The following PLCB4 variants were observed in gnomAD, a reference collection of about 807,000 sequenced individuals.
The protein encoded by PLCB4 is phospholipase C beta 4, also known as 1-phosphatidylinositol 4,5-bisphosphate phosphodiesterase beta-4.
In PLCB4, 77 loss-of-function variants were observed where a neutral mutation model predicts 178.8. The observed-to-expected ratio is 0.43, with a 90% confidence interval of 0.36 to 0.52. PLCB4 has a LOEUF of 0.52. PLCB4 is among the 20% of genes least tolerant of loss of function. PLCB4 has a pLI of 0.00. For missense variants in PLCB4, 1,024 were observed against 1,453.4 expected (o/e 0.70, Z 4.80); for synonymous variants, 496 against 490.8 (o/e 1.01, Z -0.14).
chr20:9,391,799 C>A (rs1268912946), intron 17 of PLCB4, among the ~76,000 whole-genome samples: 7 of 152,214 alleles, frequency 4.6e-5, no homozygotes, highest in African/African-American at 1.7e-4. Context: ...ATTATCACCC[C>A]TATCCCATGC....
intron 3 of PLCB4, among the ~76,000 whole-genome samples, chr20:9,227,653 G>T (rs1304298883): frequency 6.6e-6 from 1 of 151,974 alleles, no homozygotes; most frequent in Admixed American, 6.6e-5. Flanking sequence ...TTTATTTCTT[G>T]ATTCTAAATT....
intron 9 of PLCB4, 61 bp downstream of exon 9, chr20:9,365,575 A>T: frequency 1.1e-6 from 1 of 930,682 alleles, no homozygotes; most frequent in South Asian, 1.4e-5. Context: ...TCCCAAACCA[A>T]AGAGAGAACC....
chr20:9,173,072 C>T (rs1403533922), intron 2 of PLCB4, among the ~76,000 whole-genome samples: 1 of 152,150 alleles, frequency 6.6e-6, no homozygotes, highest in Non-Finnish European at 1.5e-5. Flanking sequence ...GCAGTGCCTC[C>T]TGGCTGTAAA....
chr20:9,233,053 C>T (rs745944486), intron 3 of PLCB4, among the ~76,000 whole-genome samples: 1 of 152,036 alleles, frequency 6.6e-6, no homozygotes, highest in Non-Finnish European at 1.5e-5. Context: ...TTGTCAAAGG[C>T]TGACAATGCC....
chr20:9,095,498 A>C (rs917790924), intron 1 of PLCB4, among the ~76,000 whole-genome samples: 1 of 152,236 alleles, frequency 6.6e-6, no homozygotes, highest in Non-Finnish European at 1.5e-5. Flanking sequence ...ATTTGACCGG[A>C]AACAGTTTAT....
chr20:9,308,516 T>C (rs966519763), intron 4 of PLCB4, among the ~76,000 whole-genome samples: 23 of 152,242 alleles, frequency 1.5e-4, no homozygotes, highest in African/African-American at 5.3e-4. Context: ...TCTGTTGTAC[T>C]TGAATTTGAG....
chr20:9,132,917 C>G (rs948098529), intron 2 of PLCB4, among the ~76,000 whole-genome samples: 3 of 152,116 alleles, frequency 2.0e-5, no homozygotes, highest in Admixed American at 1.3e-4. Flanking sequence ...AGAGATGCTA[C>G]TATTTTCTAG....
chr20:9,217,355 T>C (rs1484402932), intron 2 of PLCB4, 35 bp from the exon 3 acceptor site: 1 of 152,230 alleles, frequency 6.6e-6, no homozygotes, highest in African/African-American at 2.4e-5. Context: ...CTAAAAGTCC[T>C]TTACATCGAT....
At chr20:9,355,443 C>T (rs2034716608) in intron 7 of PLCB4, among the ~76,000 whole-genome samples, 1 of 152,058 alleles carries the variant, frequency 6.6e-6, no homozygotes, top group Non-Finnish European at 1.5e-5. Context: ...GTCCCTCCCC[C>T]ATCCCCTGAC....
At chr20:9,470,421 C>T (rs907080918) in intron 36 of PLCB4, among the ~76,000 whole-genome samples, 3 of 152,056 alleles carry the variant, frequency 2.0e-5, no homozygotes, top group Non-Finnish European at 2.9e-5. Flanking sequence ...ATGGAAATGA[C>T]ACCTTCTTCA....
chr20:9,429,962 A>G (rs2041283969), intron 28 of PLCB4, among the ~76,000 whole-genome samples: 4 of 152,256 alleles, frequency 2.6e-5, no homozygotes, highest in African/African-American at 9.6e-5. Context: ...AGAAAGGGGT[A>G]TCCAATCTTT....
chr20:9,305,644 A>G (rs891277085), intron 3 of PLCB4, among the ~76,000 whole-genome samples: 8 of 151,564 alleles, frequency 5.3e-5, no homozygotes, highest in African/African-American at 1.9e-4. Flanking sequence ...TTCTCTATTT[A>G]TTTTCCCCTG....
intron 19 of PLCB4, among the ~76,000 whole-genome samples, chr20:9,400,702 T>C (rs1482997826): frequency 6.6e-6 from 1 of 152,234 alleles, no homozygotes; most frequent in Non-Finnish European, 1.5e-5. Flanking sequence ...ATAGTGATTG[T>C]GTGAATCCAA....
intron 2 of PLCB4, among the ~76,000 whole-genome samples, chr20:9,208,559 A>C (rs1443776043): frequency 6.7e-6 from 1 of 149,474 alleles, no homozygotes; most frequent in Admixed American, 6.7e-5. Context: ...TTTTTTTCTG[A>C]GACAGGGTCT....
chr20:9,130,491 T>C (rs1005688016), intron 2 of PLCB4, among the ~76,000 whole-genome samples: 1 of 152,232 alleles, frequency 6.6e-6, no homozygotes, highest in African/African-American at 2.4e-5. Flanking sequence ...TGAATAACTT[T>C]CAACGTAGAA....
intron 4 of PLCB4, among the ~76,000 whole-genome samples, chr20:9,334,540 A>G (rs2032171856): frequency 6.6e-6 from 1 of 152,192 alleles, no homozygotes; most frequent in African/African-American, 2.4e-5. Context: ...AGACAGTTCC[A>G]TTTTGTGATT....
At position 9,337,221 on chromosome 20, in the gene PLCB4, G is replaced by C. The variant is rs371227060; in HGVS notation, c.165+15G>C. 124 of 1,587,196 alleles carry C rather than the reference G, an allele frequency of 7.8e-5. No homozygotes were observed. Among genetic ancestry groups the C allele is most frequent in the Non-Finnish European group, 9.7e-5 (112 of 1,155,858 alleles). On this transcript the variant is annotated intron_variant, in intron 5 of 39. Coordinates refer to ENST00000378473, the MANE Select transcript of PLCB4 (RefSeq NM_001377142.1). ...GTGAAGGCAAGGTATGGCCCAAGAA[G>C]AGCAAGTTGTTCTTTCTGCTTTGTG...
chr20:9,376,657 T>G (rs1342102196), intron 12 of PLCB4, among the ~76,000 whole-genome samples: 1 of 152,242 alleles, frequency 6.6e-6, no homozygotes, highest in Non-Finnish European at 1.5e-5. Flanking sequence ...TGGTTAGTTT[T>G]ACCTCCCTTT....
chr20:9,127,149 C>T (rs1052511349), intron 2 of PLCB4, among the ~76,000 whole-genome samples: 4 of 152,038 alleles, frequency 2.6e-5, no homozygotes, highest in South Asian at 2.1e-4. Context: ...AGTAGAAGGG[C>T]GGTGTTAAAG....
Sources: gnomAD v4.1 joint callset for allele counts (sites outside exome capture counted in the v4.1 genomes callset) on GRCh38, gnomAD v4.1.1 for gene constraint, MANE v1.5 for transcripts, NCBI Gene and HGNC (gene_info 2026-07-23, HGNC 2026-07-21) for gene names.